The following PCNX1 variants were observed in gnomAD, a reference collection of about 807,000 sequenced individuals.
The protein encoded by PCNX1 is pecanex-like protein 1.
Under a neutral mutation model 242.2 loss-of-function variants are expected in PCNX1, and 78 were observed. The ratio of observed to expected loss-of-function variants is 0.32; its 90% CI spans 0.27 to 0.39. The LOEUF is 0.39. PCNX1 is among the 10% of genes least tolerant of loss of function. PCNX1 has a pLI of 1.00. For synonymous variants in PCNX1, 1,024 were observed against 1,032.9 expected, an observed-to-expected ratio of 0.99 and a Z score of 0.17; for missense variants, 2,581 against 2,856.5, an observed-to-expected ratio of 0.90 and a Z score of 2.20.
intron 8 of PCNX1, among the ~76,000 whole-genome samples, chr14:71,007,192 CT>C (rs202066678): frequency 6.6e-4 from 95 of 144,842 alleles, no homozygotes; most frequent in East Asian, 8.0e-4. Context: ...TTTAGAAAAG[CT>C]TTTTTTTTTG....
intron 10 of PCNX1, chr14:71,012,563 G>A: frequency 4.5e-6 from 1 of 222,842 alleles, no homozygotes; most frequent in Non-Finnish European, 9.0e-6. Context: ...TGGGCGCAGT[G>A]GCTCCTGCCT....
intron 2 of PCNX1, among the ~76,000 whole-genome samples, chr14:70,960,897 A>G (rs988841072): frequency 2.0e-5 from 3 of 152,182 alleles, no homozygotes; most frequent in Non-Finnish European, 4.4e-5. Context: ...CCAAATCATG[A>G]ATGAACTCCC....
chr14:71,009,739 A>C lies in PCNX1; in HGVS notation c.2720+15A>C. On this transcript the variant is annotated intron_variant, in intron 9 of 35. Coordinates refer to ENST00000304743, the MANE Select transcript of PCNX1 (RefSeq NM_014982.3). The stretch of plus-strand genomic sequence containing the variant: ...TCCAATATCTGGTATGTGTGAAGTC[A>C]TATTAGGAGTGTGTGTACTTTCATA... 6.9e-7 allele frequency: 1 copy of C among 1,449,430 alleles called. No homozygotes were observed. Among genetic ancestry groups the C allele is most frequent in the Non-Finnish European group, 9.6e-7 (1 of 1,039,582 alleles). The allele number at this position is 1,449,430 out of a possible 1,614,324, so 89.8% of individuals were successfully genotyped here.
At chr14:70,992,653 A>C (rs1265459111) in intron 7 of PCNX1, among the ~76,000 whole-genome samples, 1 of 152,204 alleles carries the variant, frequency 6.6e-6, no homozygotes, top group East Asian at 1.9e-4. Flanking sequence ...GTTAACAATT[A>C]AGATTGCATG....
intron 26 of PCNX1, among the ~76,000 whole-genome samples, chr14:71,062,610 A>AG (rs1044806640): frequency 5.9e-5 from 9 of 152,258 alleles, no homozygotes; most frequent in African/African-American, 1.7e-4. Context: ...GGAGTCAAAA[A>AG]GTTTAAAAAA....
At chr14:70,955,681 A>G (rs1335686443) in intron 2 of PCNX1, among the ~76,000 whole-genome samples, 3 of 152,282 alleles carry the variant, frequency 2.0e-5, no homozygotes, top group East Asian at 3.9e-4. Context: ...ATAAACTACT[A>G]TGCTTTCCAG....
rs554711263 is a variant in PCNX1 at position 71,068,673 on chromosome 14, TAC to T, written c.4853-4870_4853-4869del. 1.0e-3 allele frequency among the ~76,000 whole-genome samples: 120 copies of T among 117,218 alleles called. 5 individuals carry two copies. Among genetic ancestry groups the T allele is most frequent in the Non-Finnish European group, 1.4e-3 (83 of 59,974 alleles). 76.9% of individuals were successfully genotyped at this position (117,218 alleles called of 152,430 possible). A position where few individuals can be genotyped will look rare whatever the true frequency, so the allele number is the denominator to read the frequency against. On this transcript the variant is annotated intron_variant, in intron 26 of 35. Coordinates refer to ENST00000304743, the MANE Select transcript of PCNX1 (RefSeq NM_014982.3). ...TTGCATGTATAGTCACAAGCAAAAT[TAC>T]AGTTATTTTTTATGTGAACATATAC...
At chr14:70,949,071 CGT>C (rs1232101476) in intron 2 of PCNX1, among the ~76,000 whole-genome samples, 2 of 138,824 alleles carry the variant, frequency 1.4e-5, no homozygotes, top group Non-Finnish European at 3.1e-5. Flanking sequence ...TATGTATAGA[CGT>C]GTATATATAC....
Position 70,978,638 on chromosome 14 carries a change from A to G in PCNX1, c.2301A>G (p.Ala767=), listed in dbSNP as rs1324713140. The part of the protein sequence containing the change: ...VAFPEGEEQD[A]VSGAAQASEE... ...TTCCTGAAGGGGAAGAGCAAGATGC[A>G]GTCAGTGGAGGTAAGTAAACTGTAA... Residue 767 remains alanine, a synonymous_variant, in exon 6 of 36, where the codon GCA becomes GCG. Coordinates refer to ENST00000304743, the MANE Select transcript of PCNX1 (RefSeq NM_014982.3). The G allele has an allele frequency of 6.2e-7, 1 of 1,610,268 alleles. No homozygotes were observed. Among genetic ancestry groups the G allele is most frequent in the Non-Finnish European group, 8.5e-7 (1 of 1,178,156 alleles).
chr14:71,080,167 A>G (rs1366912616), intron 28 of PCNX1, among the ~76,000 whole-genome samples: 2 of 152,168 alleles, frequency 1.3e-5, no homozygotes, highest in Admixed American at 1.3e-4. Flanking sequence ...AGGTTTGTCA[A>G]AGATCAGATG....
chr14:71,087,143 T>C (rs1352208717), intron 28 of PCNX1, among the ~76,000 whole-genome samples: 3 of 152,130 alleles, frequency 2.0e-5, no homozygotes, highest in African/African-American at 7.2e-5. Context: ...TTTATACAAC[T>C]TCAAGTCTAC....
At chr14:70,954,904 C>T (rs2057934016) in intron 2 of PCNX1, among the ~76,000 whole-genome samples, 1 of 152,164 alleles carries the variant, frequency 6.6e-6, no homozygotes, top group Non-Finnish European at 1.5e-5. Flanking sequence ...CTCCTTTCCT[C>T]ACCCTCACAC....
chr14:70,926,463 G>T (rs951669465), intron 1 of PCNX1, among the ~76,000 whole-genome samples: 4 of 152,186 alleles, frequency 2.6e-5, no homozygotes, highest in African/African-American at 9.7e-5. Context: ...GTAAATAGCA[G>T]CAAGAGAAGC....
chr14:71,027,046 A>C (rs1414204706), intron 15 of PCNX1, 164 bp downstream of exon 15: 1 of 465,612 alleles, frequency 2.1e-6, no homozygotes, highest in Non-Finnish European at 3.8e-6. Context: ...TAATTTGTGG[A>C]TAGGAAAAAA....
At chr14:71,019,305 C>A in intron 12 of PCNX1, 143 bp downstream of exon 12, 1 of 590,684 alleles carries the variant, frequency 1.7e-6, no homozygotes, top group Non-Finnish European at 2.8e-6. Flanking sequence ...GTGTAGAGAG[C>A]AAAAGGGGGA....
In PCNX1 at chr14:71,033,524, T is replaced by C. The variant is rs372906341; in HGVS notation, c.3654T>C (p.Asp1218=). 1.0e-5 allele frequency: 16 copies of C among 1,571,756 alleles called. No homozygotes were observed. The highest frequency in any genetic ancestry group is 1.4e-5 in the African/African-American group (1 of 74,052). Residue 1218 remains aspartate (D), a synonymous_variant, in exon 17 of 36, where the codon GAT becomes GAC. Transcript: ENST00000304743. ...VSYHLSRQSS[D]PSVLFSLVQS... ...ACCATCTCAGCCGACAAAGCAGTGA[T>C]CCATCTGTACTTTTGTAAGTGAACT...
intron 6 of PCNX1, among the ~76,000 whole-genome samples, chr14:70,987,755 TG>T (rs1445511329): frequency 6.6e-6 from 1 of 152,190 alleles, no homozygotes; most frequent in African/African-American, 2.4e-5. Flanking sequence ...ACTAAGCCAT[TG>T]TTGTGATGTT....
intron 6 of PCNX1, 65 bp from the exon 7 acceptor site, chr14:70,988,502 A>G (rs2059062747): frequency 1.3e-6 from 2 of 1,561,450 alleles, no homozygotes; most frequent in Non-Finnish European, 8.8e-7. Context: ...AGGGAAAGCC[A>G]GGCTCAGCTG....
intron 30 of PCNX1, among the ~76,000 whole-genome samples, chr14:71,097,291 T>G (rs1249749169): frequency 1.3e-5 from 2 of 152,222 alleles, no homozygotes; most frequent in African/African-American, 2.4e-5. Context: ...GTATGTGTAT[T>G]TTTGGTAGAA....
Sources: gnomAD v4.1 joint callset for allele counts (sites outside exome capture counted in the v4.1 genomes callset) on GRCh38, gnomAD v4.1.1 for gene constraint, MANE v1.5 for transcripts, NCBI Gene and HGNC (gene_info 2026-07-23, HGNC 2026-07-21) for gene names.